The following CCDC7 variants were observed in gnomAD, a reference collection of about 807,000 sequenced individuals.
CCDC7 encodes the protein coiled-coil domain-containing protein 7.
A neutral mutation model predicts 196.9 loss-of-function variants in CCDC7; 183 were observed. The ratio of observed to expected loss-of-function variants is 0.93; its 90% CI spans 0.82 to 1.05. The LOEUF (loss-of-function observed/expected upper bound fraction) is 1.05. Among genes scored for constraint, CCDC7 ranks in the 50% least tolerant of loss-of-function variants. The pLI is 0.00. For missense variants in CCDC7, 1,540 were observed against 1,482.2 expected (o/e 1.04, Z -0.64); for synonymous variants, 525 against 484.6 (o/e 1.08, Z -1.10).
chr10:32,703,669 G>C (rs2079160352), intron 24 of CCDC7, among the ~76,000 whole-genome samples: 1 of 151,866 alleles, frequency 6.6e-6, no homozygotes, highest in Admixed American at 6.6e-5. Context: ...ACGTAGATTT[G>C]GTCTTTTTAC....
intron 11 of CCDC7, among the ~76,000 whole-genome samples, chr10:32,521,579 G>A (rs1302734994): frequency 7.2e-6 from 1 of 139,274 alleles, no homozygotes; most frequent in Non-Finnish European, 1.6e-5. Flanking sequence ...AGTTCTAAGA[G>A]TTTTTTTTTT....
intron 11 of CCDC7, among the ~76,000 whole-genome samples, chr10:32,537,348 ATTTT>A (rs1388117352): frequency 6.6e-6 from 1 of 151,596 alleles, no homozygotes; most frequent in Non-Finnish European, 1.5e-5. Flanking sequence ...TAATGGAGTC[ATTTT>A]TTCCTTGTAA....
chr10:32,455,244 C>A (rs1393349700), intron 2 of CCDC7, among the ~76,000 whole-genome samples: 1 of 151,574 alleles, frequency 6.6e-6, no homozygotes, highest in African/African-American at 2.4e-5. Flanking sequence ...GATTATAGGT[C>A]TTTATTGTGA....
intron 29 of CCDC7, among the ~76,000 whole-genome samples, chr10:32,791,628 G>C (rs768434299): frequency 2.7e-5 from 4 of 150,470 alleles, no homozygotes; most frequent in Non-Finnish European, 5.9e-5. Flanking sequence ...TCAAGCAGAA[G>C]AAAAAAAATC....
chr10:32,804,635 A>C (rs2085449379), intron 29 of CCDC7, among the ~76,000 whole-genome samples: 2 of 152,186 alleles, frequency 1.3e-5, no homozygotes, highest in South Asian at 4.1e-4. Flanking sequence ...TGTGGTATGA[A>C]TGTGATTCAA....
At chr10:32,511,262 G>GGC (rs1564506120) in intron 9 of CCDC7, 13 of 480,092 alleles carry the variant, frequency 2.7e-5, no homozygotes, top group Non-Finnish European at 3.0e-5. Context: ...TGTGGGGGGC[G>GGC]GGGGGGGCGG....
chr10:32,618,754 A>G (rs1279638170), intron 18 of CCDC7, among the ~76,000 whole-genome samples: 1 of 152,076 alleles, frequency 6.6e-6, no homozygotes, highest in Non-Finnish European at 1.5e-5. Context: ...CATTCTGAAT[A>G]TATAGGCTGT....
intron 28 of CCDC7, among the ~76,000 whole-genome samples, chr10:32,753,425 A>G (rs2075957080): frequency 6.6e-6 from 1 of 152,164 alleles, no homozygotes; most frequent in African/African-American, 2.4e-5. Flanking sequence ...ATATTTAATA[A>G]ATAATCCACA....
At chr10:32,706,948 G>C (rs1007971620) in intron 24 of CCDC7, among the ~76,000 whole-genome samples, 1 of 152,160 alleles carries the variant, frequency 6.6e-6, no homozygotes, top group Non-Finnish European at 1.5e-5. Flanking sequence ...GAAAAAGAGG[G>C]AATCCTCCCC....
At chr10:32,693,879 C>A (rs143041140) in intron 23 of CCDC7, among the ~76,000 whole-genome samples, 12 of 152,154 alleles carry the variant, frequency 7.9e-5, no homozygotes, top group African/African-American at 2.7e-4. Context: ...CTGGCTCCCC[C>A]CTTGTGCTCT....
At chr10:32,443,736 T>C (rs1468209091), upstream of CCDC7, among the ~76,000 whole-genome samples, 1 of 152,246 alleles carries the variant, frequency 6.6e-6, no homozygotes, top group Non-Finnish European at 1.5e-5. Context: ...ATATGTCATT[T>C]AAATATTTGC....
intron 21 of CCDC7, among the ~76,000 whole-genome samples, chr10:32,681,744 C>CAT (rs2075883802): frequency 1.1e-5 from 1 of 88,280 alleles, no homozygotes; most frequent in South Asian, 4.2e-4. Flanking sequence ...TGTATACACA[C>CAT]ACACACACAC....
rs763576352 is a variant in CCDC7, at chr10:32,493,886, GTTAT to G, written c.872+1892_872+1895del. ...AACCATTTGCCCATTTTTAAATGGT[GTTAT>G]TTGTTTTCTTGTAGTTGAGTTGAGC... On this transcript the variant is annotated intron_variant, in intron 9 of 41. Transcript: ENST00000639629. 2.0e-5 allele frequency among the ~76,000 whole-genome samples: 3 copies of G among 152,040 alleles called. No individual in the cohort carries two copies. In the East Asian group the frequency reaches 5.8e-4, roughly 29 times the overall value.
chr10:32,457,908 T>C (rs1012487529), intron 3 of CCDC7, among the ~76,000 whole-genome samples: 8 of 152,266 alleles, frequency 5.3e-5, no homozygotes, highest in African/African-American at 1.9e-4. Flanking sequence ...GAGTTCCTTA[T>C]ATATTTTGAA....
intron 13 of CCDC7, among the ~76,000 whole-genome samples, chr10:32,558,455 G>A (rs375237516): frequency 8.5e-5 from 13 of 152,086 alleles, no homozygotes; most frequent in African/African-American, 3.1e-4. Context: ...AAGAATCTGG[G>A]GCTCCCTATC....
At chr10:32,828,829 A>C (rs968884269) in intron 32 of CCDC7, among the ~76,000 whole-genome samples, 2 of 152,164 alleles carry the variant, frequency 1.3e-5, no homozygotes, top group Non-Finnish European at 2.9e-5. Context: ...GGCACCACTC[A>C]CCATCACCCC....
At chr10:32,704,861 A>G (rs2079419743) in intron 24 of CCDC7, among the ~76,000 whole-genome samples, 1 of 152,128 alleles carries the variant, frequency 6.6e-6, no homozygotes, top group African/African-American at 2.4e-5. Flanking sequence ...GACTGTTGGA[A>G]AAGCGCAGTA....
intron 21 of CCDC7, among the ~76,000 whole-genome samples, chr10:32,676,898 C>T (rs191594530): frequency 3.3e-5 from 5 of 152,276 alleles, no homozygotes; most frequent in African/African-American, 1.2e-4. Context: ...GTAAATCATG[C>T]TGCTATAAAG....
intron 8 of CCDC7, among the ~76,000 whole-genome samples, chr10:32,483,069 A>G (rs1449447740): frequency 3.9e-5 from 6 of 152,186 alleles, no homozygotes; most frequent in East Asian, 1.9e-4. Context: ...TTGAGGAATC[A>G]CCACACTGCC....
Sources: allele counts gnomAD v4.1 joint callset (sites outside exome capture counted in the v4.1 genomes callset), GRCh38; gene constraint gnomAD v4.1.1; transcripts MANE v1.5; gene names NCBI Gene and HGNC (gene_info 2026-07-23, HGNC 2026-07-21).